The following ZFP64 variants were observed in gnomAD, a reference collection of about 807,000 sequenced individuals.
ZFP64 encodes ZFP64 zinc finger protein, also known as zinc finger protein 64.
ZFP64 carries 14 observed loss-of-function variants against 51.6 expected under a neutral mutation model. The observed-to-expected ratio is 0.27, with a 90% confidence interval of 0.18 to 0.42. The LOEUF (loss-of-function observed/expected upper bound fraction) is 0.42, where lower values mean the gene tolerates loss of function less well. ZFP64 is among the 10% of genes least tolerant of loss of function. The pLI is 1.00. For missense variants in ZFP64, 754 were observed against 906.8 expected, an observed-to-expected ratio of 0.83 and a Z score of 2.16; for synonymous variants, 375 against 361.4, an observed-to-expected ratio of 1.04 and a Z score of -0.43.
At chr20:52,110,486 C>A in intron 5 of ZFP64, 1 of 691,818 alleles carries the variant, frequency 1.4e-6, no homozygotes, top group South Asian at 1.8e-5. Flanking sequence ...GGGAAGTCCT[C>A]TGCCTAGTCT....
At chr20:52,147,866 A>C (rs1466059871), downstream of ZFP64, among the ~76,000 whole-genome samples, 1 of 152,008 alleles carries the variant, frequency 6.6e-6, no homozygotes, top group East Asian at 1.9e-4. Flanking sequence ...GATACACACA[A>C]AAAAATTAGC....
At chr20:52,168,941 A>T (rs966152920) in intron 2 of ZFP64, among the ~76,000 whole-genome samples, 1 of 152,214 alleles carries the variant, frequency 6.6e-6, no homozygotes, top group Non-Finnish European at 1.5e-5. Flanking sequence ...ACAGCAAGGT[A>T]ATGTTTTTGG....
chr20:52,152,632 G>A lies in ZFP64; in HGVS notation c.1560C>T (p.Asn520=), dbSNP rs1422317744. 6.5e-7 allele frequency: 1 copy of A among 1,533,474 alleles called. No homozygotes were observed. The allele number at this position is 1,533,474 out of a possible 1,614,324, so 95.0% of individuals were successfully genotyped here. The change falls in exon 6 of 6, where the codon AAC becomes AAT. Residue 520 remains asparagine (N), a synonymous_variant. Transcript: ENST00000216923. ...GGGCCACCAAGGCAGGCGGGACGAT[G>A]TTCACTGCAGCGGCGGCAGCCTGGA... ...TIVQAAAAAV[N]IVPPALVAQN... is the part of the protein sequence containing the mutation.
At chr20:52,088,753 A>G in intron 7 of ZFP64, 1 of 1,382,518 alleles carries the variant, frequency 7.2e-7, no homozygotes, top group Non-Finnish European at 1.0e-6. Context: ...CTCCTGTCCA[A>G]ATACTGAGAG....
At chr20:52,091,631 T>C (rs1014993503) in intron 7 of ZFP64, among the ~76,000 whole-genome samples, 36 of 152,086 alleles carry the variant, frequency 2.4e-4, no homozygotes, top group Non-Finnish European at 4.7e-4. Context: ...GAATGTCTTT[T>C]AGGACAGTTT....
chr20:52,111,007 TC>T, intron 5 of ZFP64: 1 of 1,496,320 alleles, frequency 6.7e-7, no homozygotes, highest in South Asian at 1.1e-5. Context: ...AGTGACCGTA[TC>T]CAGGGGAAGG....
rs140620537 is a variant in ZFP64, at chr20:52,094,839, T to C, written c.976+2534A>G. On this transcript the variant is annotated intron_variant, in intron 7 of 8. Transcript: ENST00000361387. ...AACACACACCTCAGTATTCCTAGCT[T>C]TCTGAGCTTGGTTTTAACTTGAAAG... Among the ~76,000 whole-genome samples the C allele has an allele frequency of 4.5e-4, 68 of 152,308 alleles. No homozygotes were observed. The East Asian group carries it at 0.012, about 26-fold the overall frequency.
intron 2 of ZFP64, 101 bp from the exon 3 acceptor site, chr20:52,166,126 T>C: frequency 8.0e-7 from 1 of 1,245,450 alleles, no homozygotes; most frequent in South Asian, 1.6e-5. Context: ...ACTAGTTTGC[T>C]TTCCCAGCCT....
rs758754357 is a variant in ZFP64 at position 52,152,505 on chromosome 20, C to G, written c.1687G>C (p.Ala563Pro). The G allele has an allele frequency of 6.2e-7, 1 of 1,606,218 alleles. No individual in the cohort carries two copies. Among genetic ancestry groups the G allele is most frequent in the Non-Finnish European group, 8.5e-7 (1 of 1,176,746 alleles). Residue 563 changes from alanine to proline, a missense_variant, in exon 6 of 6, where the codon GCA (alanine) becomes CCA (proline). Physicochemically the swap from Ala to Pro is conservative, Grantham distance 27 (BLOSUM62 -1). Transcript: ENST00000216923. Reference sequence around the variant, plus strand: ...AGCAGGACAGCCGGCTGGGTCATTGCGCCCGCCTCGCTCGGACACCGCGAG... The same window carrying G: ...AGCAGGACAGCCGGCTGGGTCATTGGGCCCGCCTCGCTCGGACACCGCGAG... ...QSSRCPSEAGAMTQPAVLLTT... is the reference protein window; with the variant it reads ...QSSRCPSEAGPMTQPAVLLTT...
At chr20:52,157,776 C>A (rs573495085) in intron 5 of ZFP64, among the ~76,000 whole-genome samples, 1 of 152,288 alleles carries the variant, frequency 6.6e-6, no homozygotes, top group East Asian at 1.9e-4. Context: ...CCCATCAACC[C>A]GTCATCTACA....
intron 7 of ZFP64, chr20:52,096,921 T>TA (rs1296860296): frequency 2.6e-6 from 1 of 384,036 alleles, no homozygotes; most frequent in Admixed American, 3.6e-5. Flanking sequence ...GATAGTATTT[T>TA]AGGCTTTGTG....
intron 5 of ZFP64, among the ~76,000 whole-genome samples, chr20:52,119,528 AAAAAAATAT>A (rs1568663583): frequency 2.4e-5 from 2 of 83,182 alleles, no homozygotes; most frequent in Non-Finnish European, 4.7e-5. Context: ...TCTAAAAAAA[AAAAAAATAT>A]ATATATATAT....
chr20:52,178,625 C>T (rs1042185356), intron 2 of ZFP64, among the ~76,000 whole-genome samples: 2 of 152,132 alleles, frequency 1.3e-5, no homozygotes, highest in Admixed American at 6.5e-5. Flanking sequence ...ACTCCCACCA[C>T]GTTCCCCTGT....
chr20:52,099,786 A>G (rs1020090163), intron 5 of ZFP64, among the ~76,000 whole-genome samples: 2 of 152,238 alleles, frequency 1.3e-5, no homozygotes, highest in African/African-American at 4.8e-5. Context: ...AAGTGGATCA[A>G]TGGATGAGAA....
At chr20:52,141,124 T>C (rs1205247921) in intron 5 of ZFP64, among the ~76,000 whole-genome samples, 1 of 152,188 alleles carries the variant, frequency 6.6e-6, no homozygotes, top group African/African-American at 2.4e-5. Flanking sequence ...TTACTGCTTA[T>C]TGACAATACA....
intron 5 of ZFP64, among the ~76,000 whole-genome samples, chr20:52,137,022 C>T (rs1985860): frequency 0.18 from 27,847 of 152,036 alleles, 2,879 homozygotes; most frequent in East Asian, 0.39. Flanking sequence ...ACCTTGGCCT[C>T]CCAAAATGCT....
chr20:52,164,920 A>G (rs1405269764), intron 3 of ZFP64, 163 bp from the exon 4 acceptor site: 4 of 709,298 alleles, frequency 5.6e-6, no homozygotes, highest in African/African-American at 1.7e-5. Flanking sequence ...GGAAAAACAC[A>G]CCGTCATTTT....
At chr20:52,123,512 C>G (rs958839439) in intron 5 of ZFP64, among the ~76,000 whole-genome samples, 22 of 152,160 alleles carry the variant, frequency 1.4e-4, no homozygotes, top group African/African-American at 5.3e-4. Flanking sequence ...CCAGGCAAGA[C>G]CCTCCACCAG....
In ZFP64 at chr20:52,144,294, C is replaced by A. The variant is rs1600748387; in HGVS notation, c.763+15829G>T. On this transcript the variant is annotated intron_variant, in intron 5 of 8. Coordinates refer to the ZFP64 transcript ENST00000361387. ...GGGGAAAGAAGTATTAAAATAAAAG[C>A]TGAGGCCAGGCATGGTGGCTCACAC... is the stretch of plus-strand genomic sequence containing the variant. Among the ~76,000 whole-genome samples, 2 of 141,112 alleles carry A rather than the reference C, an allele frequency of 1.4e-5. 1 individual carries two copies. Among genetic ancestry groups the A allele is most frequent in the East Asian group, 5.0e-4 (2 of 4,030 alleles). The allele number at this position is 141,112 out of a possible 152,430, so 92.6% of individuals were successfully genotyped here.
Sources: allele counts gnomAD v4.1 joint callset (sites outside exome capture counted in the v4.1 genomes callset), GRCh38; gene constraint gnomAD v4.1.1; transcripts MANE v1.5; gene names NCBI Gene and HGNC (gene_info 2026-07-23, HGNC 2026-07-21).